Variants in ASTN1 observed in about 807,000 individuals in gnomAD.
The protein encoded by ASTN1 is astrotactin 1, also known as astrotactin-1.
In ASTN1, 41 loss-of-function variants were observed where a neutral mutation model predicts 140.7. The ratio of observed to expected loss-of-function variants is 0.29; its 90% CI spans 0.23 to 0.38. The LOEUF is 0.38. Among genes scored for constraint, ASTN1 ranks in the 10% least tolerant of loss-of-function variants. ASTN1 has a pLI of 1.00. For synonymous variants in ASTN1, 640 were observed against 652.2 expected, an observed-to-expected ratio of 0.98 and a Z score of 0.29; for missense variants, 1,479 against 1,678.8, an observed-to-expected ratio of 0.88 and a Z score of 2.08.
At chr1:176,948,560 T>C (rs530027313) in intron 12 of ASTN1, among the ~76,000 whole-genome samples, 2 of 152,276 alleles carry the variant, frequency 1.3e-5, no homozygotes, top group South Asian at 4.1e-4. Context: ...CATTAGTTTT[T>C]CCATCTGTAA....
At chr1:177,145,202 T>C (rs1487160871) in intron 1 of ASTN1, among the ~76,000 whole-genome samples, 1 of 152,204 alleles carries the variant, frequency 6.6e-6, no homozygotes, top group Non-Finnish European at 1.5e-5. Flanking sequence ...GATTTAGGTG[T>C]GCTGTCTTAA....
chr1:176,991,458 A>C (rs1674169999), intron 8 of ASTN1, among the ~76,000 whole-genome samples: 1 of 143,270 alleles, frequency 7.0e-6, no homozygotes, highest in South Asian at 2.2e-4. Context: ...AAAAAAAAAA[A>C]CCAACAACAA....
intron 2 of ASTN1, among the ~76,000 whole-genome samples, chr1:177,049,824 A>G (rs1315515732): frequency 6.6e-6 from 1 of 152,176 alleles, no homozygotes; most frequent in Non-Finnish European, 1.5e-5. Context: ...GTGGAGTCCA[A>G]GGAGGGTGGT....
chr1:176,938,440 G>A (rs150124125), intron 14 of ASTN1, among the ~76,000 whole-genome samples: 1 of 152,276 alleles, frequency 6.6e-6, no homozygotes, highest in East Asian at 1.9e-4. Context: ...ACCTTTAATT[G>A]AATGATTTCC....
intron 8 of ASTN1, among the ~76,000 whole-genome samples, chr1:176,973,947 A>G (rs2101867671): frequency 6.6e-6 from 1 of 152,332 alleles, no homozygotes; most frequent in South Asian, 2.1e-4. Flanking sequence ...TAAGAGCACC[A>G]CAGATCCTCA....
At position 176,994,004 on chromosome 1, in the gene ASTN1, G is replaced by A. The variant is rs141503739; in HGVS notation, c.1523+20787C>T. Among the ~76,000 whole-genome samples, 82 of 138,608 alleles carry A rather than the reference G, an allele frequency of 5.9e-4. No individual in the cohort carries two copies. In the East Asian group the frequency reaches 0.014, roughly 23 times the overall value. The allele number at this position is 138,608 out of a possible 152,430, so 90.9% of individuals were successfully genotyped here. A position where few individuals can be genotyped will look rare whatever the true frequency, so the allele number is the denominator to read the frequency against. ...ATATCAGTGACTCATTTAGATGTGA[G>A]AACTGTGTGTGTACGTGTGTGTGTG... is the stretch of plus-strand genomic sequence containing the variant. On this transcript the variant is annotated intron_variant, in intron 8 of 22. Transcript: ENST00000361833.
chr1:176,907,880 A>G (rs755767375), intron 16 of ASTN1, among the ~76,000 whole-genome samples: 3 of 152,206 alleles, frequency 2.0e-5, no homozygotes, highest in African/African-American at 7.2e-5. Context: ...CATTATGTCC[A>G]AAAGAAGGTG....
At chr1:177,078,666 T>C (rs1302694849) in intron 1 of ASTN1, among the ~76,000 whole-genome samples, 4 of 152,172 alleles carry the variant, frequency 2.6e-5, no homozygotes, top group Admixed American at 2.6e-4. Flanking sequence ...CGGCCCTTTT[T>C]TCAGTCTGCA....
intron 1 of ASTN1, among the ~76,000 whole-genome samples, chr1:177,110,395 T>C (rs539314797): frequency 3.3e-5 from 5 of 152,344 alleles, no homozygotes; most frequent in Non-Finnish European, 1.5e-5. Flanking sequence ...CCGTTTTGGC[T>C]GGAGTGTCTA....
At chr1:177,082,669 T>C (rs1679236963) in intron 1 of ASTN1, among the ~76,000 whole-genome samples, 1 of 152,134 alleles carries the variant, frequency 6.6e-6, no homozygotes, top group African/African-American at 2.4e-5. Flanking sequence ...CACTCCTCAG[T>C]TGTTCAGGGG....
At chr1:176,969,834 T>C (rs1235556486) in intron 8 of ASTN1, among the ~76,000 whole-genome samples, 2 of 152,300 alleles carry the variant, frequency 1.3e-5, no homozygotes, top group East Asian at 3.9e-4. Flanking sequence ...TTTGTTTAGA[T>C]CTTCATTCTA....
At chr1:177,031,802 G>A (rs1676458605) in intron 3 of ASTN1, among the ~76,000 whole-genome samples, 2 of 152,208 alleles carry the variant, frequency 1.3e-5, no homozygotes, top group Admixed American at 6.5e-5. Context: ...GCAGATTACT[G>A]TAAAGGAAGA....
chr1:177,026,808 C>A (rs1052526648), intron 5 of ASTN1, among the ~76,000 whole-genome samples: 2 of 152,142 alleles, frequency 1.3e-5, no homozygotes, highest in African/African-American at 4.8e-5. Context: ...CTACCCATAT[C>A]ATCTTATATC....
At chr1:176,918,462 A>G (rs191739324) in intron 16 of ASTN1, among the ~76,000 whole-genome samples, 4 of 152,258 alleles carry the variant, frequency 2.6e-5, no homozygotes, top group South Asian at 2.1e-4. Context: ...ACCCCCCGGC[A>G]ACATGTTCCA....
chr1:177,112,379 C>T lies in ASTN1; in HGVS notation c.284-51114G>A, dbSNP rs1278518587. On this transcript the variant is annotated intron_variant, in intron 1 of 22. Coordinates refer to ENST00000361833, the MANE Select transcript of ASTN1 (RefSeq NM_004319.3). ...TCCAGGACCTCTCGCTCCTATCCGCCACGCCTTCTCTGAGCACCTGGTGGA... is the reference window on the plus strand; with the variant it reads ...TCCAGGACCTCTCGCTCCTATCCGCTACGCCTTCTCTGAGCACCTGGTGGA... Among the ~76,000 whole-genome samples, 3 of 152,184 alleles carry T rather than the reference C, an allele frequency of 2.0e-5. No homozygotes were observed. The East Asian group carries it at 5.8e-4, about 29-fold the overall frequency.
chr1:177,156,624 G>A (rs2102258330), intron 1 of ASTN1, among the ~76,000 whole-genome samples: 1 of 152,316 alleles, frequency 6.6e-6, no homozygotes, highest in South Asian at 2.1e-4. Flanking sequence ...CTCTTATATA[G>A]CATAATTCAA....
chr1:177,093,666 T>C (rs895524272), intron 1 of ASTN1, among the ~76,000 whole-genome samples: 3 of 152,208 alleles, frequency 2.0e-5, no homozygotes, highest in Non-Finnish European at 4.4e-5. Context: ...AGACTGGCTC[T>C]GCCAGGGCTT....
chr1:177,152,747 A>G (rs908973690), intron 1 of ASTN1, among the ~76,000 whole-genome samples: 1 of 152,164 alleles, frequency 6.6e-6, no homozygotes, highest in African/African-American at 2.4e-5. Context: ...GTTAAAGTTT[A>G]TACGGAAAAA....
At chr1:176,988,273 G>C (rs1415700741) in intron 8 of ASTN1, among the ~76,000 whole-genome samples, 1 of 142,518 alleles carries the variant, frequency 7.0e-6, no homozygotes, top group African/African-American at 2.6e-5. Flanking sequence ...AAAGGACCCT[G>C]CCAAAACTCC....
Sources: gnomAD v4.1 joint callset for allele counts (sites outside exome capture counted in the v4.1 genomes callset) on GRCh38, gnomAD v4.1.1 for gene constraint, MANE v1.5 for transcripts, NCBI Gene and HGNC (gene_info 2026-07-23, HGNC 2026-07-21) for gene names.